Variants in DNAJA2 observed in about 807,000 individuals in gnomAD.
DNAJA2 encodes the protein DnaJ heat shock protein family (Hsp40) member A2.
Under a neutral mutation model 49.3 loss-of-function variants are expected in DNAJA2, and 6 were observed. The observed-to-expected ratio is 0.12, with a 90% CI of 0.07 to 0.24. The LOEUF is 0.24. DNAJA2 is among the 10% of genes least tolerant of loss of function. The pLI is 1.00. For synonymous variants in DNAJA2, 160 were observed against 172.7 expected (o/e 0.93, Z 0.58); for missense variants, 347 against 516.8 (o/e 0.67, Z 3.19).
rs1229129440 is a variant in DNAJA2, at chr16:46,956,560, C to T, written c.*469G>A. ...AGCTCCAAACCCATTGTGTGCAAAG[C>T]CCATTTTTTTCCATGCATCTAAATG... is the stretch of plus-strand genomic sequence containing the variant. On this transcript the variant is annotated 3_prime_UTR_variant, in exon 9 of 9. Coordinates refer to ENST00000317089, the MANE Select transcript of DNAJA2 (RefSeq NM_005880.4). 6.5e-6 allele frequency: 1 copy of T among 153,618 alleles called. No individual in the cohort carries two copies. The highest frequency in any genetic ancestry group is 1.5e-5 in the Non-Finnish European group (1 of 68,850). The allele number at this position is 153,618 out of a possible 1,614,324, so 9.5% of individuals were successfully genotyped here. A position where few individuals can be genotyped will look rare whatever the true frequency, so the allele number is the denominator to read the frequency against.
chr16:46,966,628 T>C (rs1961975305), intron 5 of DNAJA2, among the ~76,000 whole-genome samples: 1 of 152,200 alleles, frequency 6.6e-6, no homozygotes, highest in Admixed American at 6.5e-5. Flanking sequence ...AACACAGCCA[T>C]ATCCATGTGT....
At chr16:46,967,729 C>T in intron 4 of DNAJA2, 83 bp from the exon 5 acceptor site, 1 of 1,555,098 alleles carries the variant, frequency 6.4e-7, no homozygotes. Flanking sequence ...TGTGCTTTTA[C>T]CTTCATCTTC....
intron 6 of DNAJA2, among the ~76,000 whole-genome samples, chr16:46,963,086 A>G (rs1486496151): frequency 6.6e-6 from 1 of 152,214 alleles, no homozygotes; most frequent in Non-Finnish European, 1.5e-5. Context: ...TTCACTGAAC[A>G]TAATACAAAT....
rs1279203364 is a variant in DNAJA2 at position 46,956,967 on chromosome 16, T to C, written c.*62A>G. ...GATTGATAAGACACTCCAGCTGGAT[T>C]GCTGAGAACAAATCAGGCAAATGTG... is the stretch of plus-strand genomic sequence containing the variant. On this transcript the variant is annotated 3_prime_UTR_variant, in exon 9 of 9. Coordinates refer to ENST00000317089, the MANE Select transcript of DNAJA2 (RefSeq NM_005880.4). 3.2e-6 allele frequency: 5 copies of C among 1,580,570 alleles called. No individual in the cohort carries two copies. The highest frequency in any genetic ancestry group is 1.7e-5 in the Admixed American group (1 of 59,928).
At chr16:46,961,871 CG>C (rs1450990553) in intron 6 of DNAJA2, among the ~76,000 whole-genome samples, 1 of 151,846 alleles carries the variant, frequency 6.6e-6, no homozygotes, top group Non-Finnish European at 1.5e-5. Flanking sequence ...GTTATAGAGG[CG>C]TGACTAACAT....
chr16:46,966,965 C>T (rs1961980530), intron 5 of DNAJA2, among the ~76,000 whole-genome samples: 1 of 152,158 alleles, frequency 6.6e-6, no homozygotes, highest in Non-Finnish European at 1.5e-5. Context: ...AGCAAAGGGA[C>T]AAATAATCAC....
chr16:46,958,768 G>A (rs184421648), intron 8 of DNAJA2: 39 of 407,430 alleles, frequency 9.6e-5, no homozygotes, highest in African/African-American at 7.7e-4. Flanking sequence ...GACACAGTGA[G>A]ACTGTGTCTC....
chr16:46,968,935 T>C (rs1962010331), intron 3 of DNAJA2, among the ~76,000 whole-genome samples: 1 of 152,076 alleles, frequency 6.6e-6, no homozygotes, highest in Non-Finnish European at 1.5e-5. Context: ...AAGTCCCAGC[T>C]ACCCAGGAGG....
intron 4 of DNAJA2, 104 bp downstream of exon 4, chr16:46,967,980 G>A: frequency 8.8e-7 from 1 of 1,137,532 alleles, no homozygotes; most frequent in Non-Finnish European, 1.2e-6. Context: ...ACCGCACCCA[G>A]CCGTAAGTTT....
At position 46,959,430 on chromosome 16, in the gene DNAJA2, A is replaced by G. The variant is rs1420872954; in HGVS notation, c.775-11T>C. On this transcript the variant is annotated splice_polypyrimidine_tract_variant and intron_variant, in intron 6 of 8. Transcript: ENST00000317089. ...ATCTCTCTGAAATACCTATAAATAA[A>G]GCACAAAAGAAATACATTTTCTTAA... The G allele has an allele frequency of 6.2e-7, 1 of 1,601,166 alleles. No homozygotes were observed. Among genetic ancestry groups the G allele is most frequent in the South Asian group, 1.1e-5 (1 of 90,030 alleles).
chr16:46,973,630 G>T lies in DNAJA2; in HGVS notation c.-58C>A. 1.3e-6 allele frequency: 2 copies of T among 1,549,052 alleles called. No homozygotes were observed. The highest frequency in any genetic ancestry group is 1.7e-6 in the Non-Finnish European group (2 of 1,149,410). ...TGGCGAAGCAGACAGAGCGGAGTCGGGCCCACAAGCGGCGTCGGCGGCGGC... is the reference window on the plus strand; with the variant it reads ...TGGCGAAGCAGACAGAGCGGAGTCGTGCCCACAAGCGGCGTCGGCGGCGGC... On this transcript the variant is annotated 5_prime_UTR_variant, in exon 1 of 9. Coordinates refer to ENST00000317089, the MANE Select transcript of DNAJA2 (RefSeq NM_005880.4).
intron 6 of DNAJA2, among the ~76,000 whole-genome samples, chr16:46,962,676 T>C (rs1961915580): frequency 6.6e-6 from 1 of 152,350 alleles, no homozygotes. Flanking sequence ...GCAAATCTTG[T>C]AAATATTTCA....
chr16:46,970,884 C>G (rs1445677183), intron 3 of DNAJA2, among the ~76,000 whole-genome samples: 1 of 151,252 alleles, frequency 6.6e-6, no homozygotes, highest in Non-Finnish European at 1.5e-5. Context: ...TCTAAAAATA[C>G]AAAATTAGCC....
chr16:46,973,329 G>T (rs1017165945), intron 1 of DNAJA2, among the ~76,000 whole-genome samples, 166 bp downstream of exon 1: 1 of 150,816 alleles, frequency 6.6e-6, no homozygotes, highest in Non-Finnish European at 1.5e-5. Context: ...CGGAGTGCGC[G>T]GCTCGCGGCG....
chr16:46,966,714 T>G (rs1181573615), intron 5 of DNAJA2, among the ~76,000 whole-genome samples: 4 of 152,210 alleles, frequency 2.6e-5, no homozygotes, highest in African/African-American at 9.7e-5. Flanking sequence ...AAGACTAAAT[T>G]ATTTACTTCT....
Position 46,955,866 on chromosome 16 carries a change from CTTATTT to C in DNAJA2, c.*1157_*1162del, listed in dbSNP as rs1961801802. On this transcript the variant is annotated 3_prime_UTR_variant, in exon 9 of 9. Coordinates refer to ENST00000317089, the MANE Select transcript of DNAJA2 (RefSeq NM_005880.4). ...TTCTCAAACCAGCCTTTTTTTTTTG[CTTATTT>C]TTAGTTTGAAATATAAATAACTACA... 6.7e-6 allele frequency: 1 copy of C among 150,190 alleles called. No homozygotes were observed. The highest frequency in any genetic ancestry group is 1.5e-5 in the Non-Finnish European group (1 of 67,514). The allele number at this position is 150,190 out of a possible 1,614,324, so 9.3% of individuals were successfully genotyped here.
intron 8 of DNAJA2, 105 bp from the exon 9 acceptor site, chr16:46,957,325 G>C: frequency 9.0e-7 from 1 of 1,110,282 alleles, no homozygotes; most frequent in Non-Finnish European, 1.3e-6. Context: ...AAGGGGCTGG[G>C]TGTGGTGGTT....
intron 6 of DNAJA2, 111 bp downstream of exon 6, chr16:46,964,500 C>G: frequency 9.9e-7 from 1 of 1,014,914 alleles, no homozygotes; most frequent in Non-Finnish European, 1.4e-6. Context: ...CTTAACTTCA[C>G]CAGTGTTCAG....
At chr16:46,959,794 C>G (rs1214190477) in intron 6 of DNAJA2, among the ~76,000 whole-genome samples, 2 of 152,202 alleles carry the variant, frequency 1.3e-5, no homozygotes, top group Non-Finnish European at 2.9e-5. Context: ...GAGTGCTCCC[C>G]AGACATGATC....
Sources: allele counts gnomAD v4.1 joint callset (sites outside exome capture counted in the v4.1 genomes callset), GRCh38; gene constraint gnomAD v4.1.1; transcripts MANE v1.5; gene names NCBI Gene and HGNC (gene_info 2026-07-23, HGNC 2026-07-21).